Variants in IQCM observed in about 807,000 individuals in gnomAD.
IQCM encodes IQ motif containing M.
A neutral mutation model predicts 57.6 loss-of-function variants in IQCM; 45 were observed. The ratio of observed to expected loss-of-function variants is 0.78; its 90% CI spans 0.62 to 1.00. IQCM has a LOEUF of 1.00. Among genes scored for constraint, IQCM ranks in the 50% least tolerant of loss-of-function variants. IQCM has a pLI of 0.00. For synonymous variants in IQCM, 148 were observed against 158.9 expected, an observed-to-expected ratio of 0.93 and a Z score of 0.51; for missense variants, 468 against 511.6, an observed-to-expected ratio of 0.91 and a Z score of 0.82.
intron 7 of IQCM, among the ~76,000 whole-genome samples, chr4:149,630,335 C>G (rs1757156129): frequency 6.6e-6 from 1 of 152,184 alleles, no homozygotes; most frequent in South Asian, 2.1e-4. Flanking sequence ...TGCATAACCA[C>G]AGTTACTGGA....
At chr4:149,722,404 C>A (rs543733846) in intron 5 of IQCM, among the ~76,000 whole-genome samples, 1 of 151,978 alleles carries the variant, frequency 6.6e-6, no homozygotes, top group South Asian at 2.1e-4. Context: ...CCTAGGTTTC[C>A]TTCTAGAATT....
intron 4 of IQCM, among the ~76,000 whole-genome samples, chr4:149,734,164 AAC>A (rs369424362): frequency 1.3e-5 from 2 of 151,968 alleles, no homozygotes; most frequent in African/African-American, 4.8e-5. Context: ...TTCCCCCAAC[AAC>A]ACACACACAC....
At chr4:149,433,299 T>G (rs1405290097) in intron 13 of IQCM, 97 bp downstream of exon 13, 2 of 512,040 alleles carry the variant, frequency 3.9e-6, no homozygotes, top group South Asian at 1.1e-4. Flanking sequence ...GATCTATGTA[T>G]CATCCCACAT....
At chr4:149,392,002 G>A (rs1048385649) in intron 13 of IQCM, among the ~76,000 whole-genome samples, 1 of 151,842 alleles carries the variant, frequency 6.6e-6, no homozygotes, top group Admixed American at 6.6e-5. Flanking sequence ...GGTGGTTTAA[G>A]TGTTTAGGTT....
At chr4:149,703,661 G>C (rs536185067) in intron 5 of IQCM, among the ~76,000 whole-genome samples, 2 of 151,844 alleles carry the variant, frequency 1.3e-5, no homozygotes, top group Admixed American at 1.3e-4. Flanking sequence ...AAAATACATG[G>C]TCTGAGCCAT....
intron 7 of IQCM, among the ~76,000 whole-genome samples, chr4:149,655,588 G>A (rs1020007655): frequency 3.9e-5 from 6 of 151,964 alleles, no homozygotes; most frequent in Admixed American, 2.0e-4. Context: ...ATATTGTTAC[G>A]TACCGATAGA....
At chr4:149,734,465 T>C (rs1301363840) in intron 4 of IQCM, among the ~76,000 whole-genome samples, 1 of 152,150 alleles carries the variant, frequency 6.6e-6, no homozygotes, top group African/African-American at 2.4e-5. Context: ...GTTGATTACA[T>C]GATTAAAAGT....
intron 12 of IQCM, among the ~76,000 whole-genome samples, chr4:149,534,677 A>G (rs1228035110): frequency 6.6e-6 from 1 of 152,096 alleles, no homozygotes; most frequent in Non-Finnish European, 1.5e-5. Flanking sequence ...AAACTATGCC[A>G]AAAAATTTAC....
chr4:149,423,032 A>G (rs1369138622), intron 13 of IQCM, among the ~76,000 whole-genome samples: 1 of 152,066 alleles, frequency 6.6e-6, no homozygotes, highest in East Asian at 1.9e-4. Flanking sequence ...TAATCCTAGT[A>G]AACAAATGCA....
At chr4:149,530,382 A>C (rs1236221588) in intron 12 of IQCM, among the ~76,000 whole-genome samples, 1 of 152,204 alleles carries the variant, frequency 6.6e-6, no homozygotes, top group Non-Finnish European at 1.5e-5. Context: ...ACAACATATA[A>C]GATGCTCAAT....
intron 13 of IQCM, among the ~76,000 whole-genome samples, chr4:149,404,083 A>C (rs900553834): frequency 3.3e-5 from 5 of 152,036 alleles, no homozygotes; most frequent in Non-Finnish European, 5.9e-5. Context: ...AGATGGATAC[A>C]CAGAGTAAGA....
At chr4:149,635,064 A>T (rs1256502400) in intron 7 of IQCM, among the ~76,000 whole-genome samples, 1 of 152,230 alleles carries the variant, frequency 6.6e-6, no homozygotes, top group East Asian at 1.9e-4. Flanking sequence ...AAAATGCACA[A>T]ACTTTTCCAA....
At chr4:149,667,633 G>A (rs1760856055) in intron 7 of IQCM, among the ~76,000 whole-genome samples, 1 of 151,902 alleles carries the variant, frequency 6.6e-6, no homozygotes, top group Non-Finnish European at 1.5e-5. Flanking sequence ...AAACTCCTTG[G>A]AGCTAAAGGA....
At chr4:149,383,677 T>A (rs1003781948) in intron 13 of IQCM, among the ~76,000 whole-genome samples, 4 of 152,024 alleles carry the variant, frequency 2.6e-5, no homozygotes, top group Non-Finnish European at 5.9e-5. Context: ...GCATAAGCCG[T>A]GCATGGTGGC....
At chr4:149,382,001 G>A (rs1024119665) in intron 13 of IQCM, among the ~76,000 whole-genome samples, 1 of 152,098 alleles carries the variant, frequency 6.6e-6, no homozygotes, top group African/African-American at 2.4e-5. Flanking sequence ...CTGACCTCAT[G>A]TGATCCACCT....
At chr4:149,740,863 A>G (rs898081166) in intron 3 of IQCM, among the ~76,000 whole-genome samples, 5 of 152,160 alleles carry the variant, frequency 3.3e-5, no homozygotes, top group African/African-American at 9.7e-5. Flanking sequence ...GAGAAGGATT[A>G]GAGTGCCAAG....
At chr4:149,812,497 C>T (rs1018975528) in intron 2 of IQCM, among the ~76,000 whole-genome samples, 2 of 140,354 alleles carry the variant, frequency 1.4e-5, no homozygotes, top group Admixed American at 7.0e-5. Flanking sequence ...CACACACACA[C>T]ACACAGACAC....
intron 7 of IQCM, among the ~76,000 whole-genome samples, chr4:149,625,704 T>C (rs1341797481): frequency 1.3e-5 from 2 of 152,166 alleles, no homozygotes; most frequent in Admixed American, 6.5e-5. Flanking sequence ...CGGGTTTTAT[T>C]GCTAGCTTTG....
chr4:149,597,657 C>G (rs557983806), intron 8 of IQCM, among the ~76,000 whole-genome samples: 27 of 152,238 alleles, frequency 1.8e-4, no homozygotes, highest in Non-Finnish European at 3.5e-4. Flanking sequence ...TCCCAAAGTG[C>G]TAGGATTACA....
Sources: gnomAD v4.1 joint callset for allele counts (sites outside exome capture counted in the v4.1 genomes callset) on GRCh38, gnomAD v4.1.1 for gene constraint, MANE v1.5 for transcripts, NCBI Gene and HGNC (gene_info 2026-07-23, HGNC 2026-07-21) for gene names.